ENTREP2: variants seen among roughly 807,000 people sequenced by gnomAD.
ENTREP2 encodes protein ENTREP2.
chr15:29,248,584 A>G, the ENTREP2 span, among the ~76,000 whole-genome samples: 13 of 152,298 alleles, frequency 8.5e-5, no homozygotes, highest in Admixed American at 5.2e-4. Context: ...ACATGAATAT[A>G]TGACATAATT....
chr15:29,345,626 G>A, the ENTREP2 span, among the ~76,000 whole-genome samples: 1 of 152,010 alleles, frequency 6.6e-6, no homozygotes, highest in African/African-American at 2.4e-5. Context: ...ACGGCTCCAG[G>A]CACCCCCCAG....
chr15:29,370,384 T>C, the ENTREP2 span, among the ~76,000 whole-genome samples: 1 of 152,136 alleles, frequency 6.6e-6, no homozygotes, highest in Non-Finnish European at 1.5e-5. Context: ...AATAAGGACA[T>C]TTTATAATGA....
the ENTREP2 span, chr15:29,609,935 T>C: frequency 1.3e-5 from 2 of 150,566 alleles, no homozygotes; most frequent in Non-Finnish European, 3.0e-5. Flanking sequence ...TAGACTTCTA[T>C]TGAGAACAAT....
the ENTREP2 span, among the ~76,000 whole-genome samples, chr15:29,129,861 C>T: frequency 2.6e-5 from 4 of 152,254 alleles, no homozygotes; most frequent in East Asian, 3.9e-4. Context: ...CCCCATGCAC[C>T]CCATGCTACC....
the ENTREP2 span, among the ~76,000 whole-genome samples, chr15:29,587,138 C>CGTGTGTGT: frequency 3.3e-3 from 414 of 124,040 alleles, 1 homozygote; most frequent in Non-Finnish European, 5.2e-3. Context: ...TGTAGCTAAC[C>CGTGTGTGT]GTGTGTGTGT....
At chr15:29,157,623 A>G in the ENTREP2 span, among the ~76,000 whole-genome samples, 1 of 152,208 alleles carries the variant, frequency 6.6e-6, no homozygotes. Context: ...GACTCACTGT[A>G]GTCTTAAAAC....
chr15:29,657,350 G>C, the ENTREP2 span, among the ~76,000 whole-genome samples: 6 of 146,960 alleles, frequency 4.1e-5, no homozygotes, highest in Non-Finnish European at 5.9e-5. Flanking sequence ...AGCTCTCAAA[G>C]ACGGCAGTGT....
the ENTREP2 span, among the ~76,000 whole-genome samples, chr15:29,474,278 G>A: frequency 6.6e-6 from 1 of 152,134 alleles, no homozygotes; most frequent in African/African-American, 2.4e-5. Flanking sequence ...CCAGGCTGGG[G>A]CGGGGGCCAT....
chr15:29,568,637 C>T, the ENTREP2 span, among the ~76,000 whole-genome samples: 1 of 149,998 alleles, frequency 6.7e-6, no homozygotes, highest in Non-Finnish European at 1.5e-5. Flanking sequence ...CCAGCAGTTC[C>T]AGGCTGCCGT....
chr15:29,654,583 T>C, the ENTREP2 span, among the ~76,000 whole-genome samples: 66 of 152,308 alleles, frequency 4.3e-4, no homozygotes, highest in East Asian at 0.012. Flanking sequence ...ACGCTCTCAA[T>C]GGAATGCAAA....
the ENTREP2 span, among the ~76,000 whole-genome samples, chr15:29,170,089 T>C: frequency 6.6e-6 from 1 of 151,874 alleles, no homozygotes; most frequent in African/African-American, 2.4e-5. Flanking sequence ...AGGGGGATCA[T>C]GAGGTCAGAA....
chr15:29,155,057 T>C, the ENTREP2 span, among the ~76,000 whole-genome samples: 101,437 of 150,726 alleles, frequency 0.67, 35,518 homozygotes, highest in African/African-American at 0.89. Context: ...CCAAGGTGGG[T>C]GGATCACAAG....
the ENTREP2 span, among the ~76,000 whole-genome samples, chr15:29,212,648 C>T: frequency 6.6e-6 from 1 of 152,098 alleles, no homozygotes; most frequent in African/African-American, 2.4e-5. Flanking sequence ...CTCTTAGCAC[C>T]GCCTTTGCTG....
chr15:29,157,791 G>A, the ENTREP2 span, among the ~76,000 whole-genome samples: 2 of 150,094 alleles, frequency 1.3e-5, no homozygotes, highest in South Asian at 2.1e-4. Flanking sequence ...ATGCAGTGGC[G>A]CGATATCGGC....
chr15:29,451,423 C>T, the ENTREP2 span, among the ~76,000 whole-genome samples: 2 of 152,258 alleles, frequency 1.3e-5, no homozygotes, highest in East Asian at 1.9e-4. Flanking sequence ...CACAGCACAC[C>T]GACCCCACAG....
the ENTREP2 span, among the ~76,000 whole-genome samples, chr15:29,367,683 T>A: frequency 6.6e-6 from 1 of 152,158 alleles, no homozygotes; most frequent in African/African-American, 2.4e-5. Context: ...CCTTGCAGAA[T>A]GTGGAAGGTG....
At chr15:29,210,577 C>T in the ENTREP2 span, among the ~76,000 whole-genome samples, 1 of 152,220 alleles carries the variant, frequency 6.6e-6, no homozygotes. Context: ...TTATAAGAAT[C>T]TAATGCCTGA....
chr15:29,648,481 T>G, the ENTREP2 span, among the ~76,000 whole-genome samples: 1 of 152,202 alleles, frequency 6.6e-6, no homozygotes, highest in Non-Finnish European at 1.5e-5. Flanking sequence ...CTTGCAGTAT[T>G]GCTTCCACCA....
At chr15:29,548,977 C>T in the ENTREP2 span, among the ~76,000 whole-genome samples, 2 of 152,158 alleles carry the variant, frequency 1.3e-5, no homozygotes, top group Non-Finnish European at 2.9e-5. Context: ...CAGGAGGATA[C>T]TTTGGGAACA....
Sources: allele counts gnomAD v4.1 joint callset (sites outside exome capture counted in the v4.1 genomes callset), GRCh38; gene constraint gnomAD v4.1.1; transcripts MANE v1.5; gene names NCBI Gene and HGNC (gene_info 2026-07-23, HGNC 2026-07-21).